MGLL: variants seen among roughly 807,000 people sequenced by gnomAD.
The protein encoded by MGLL is monoglyceride lipase.
In MGLL, 7 loss-of-function variants were observed where a neutral mutation model predicts 29.1. The observed-to-expected ratio is 0.24, with a 90% confidence interval of 0.14 to 0.45. The LOEUF (loss-of-function observed/expected upper bound fraction) is 0.45. Among genes scored for constraint, MGLL ranks in the 20% least tolerant of loss-of-function variants. The pLI is 0.99. For missense variants in MGLL, 356 were observed against 413.6 expected, an observed-to-expected ratio of 0.86 and a Z score of 1.21; for synonymous variants, 148 against 168.3, an observed-to-expected ratio of 0.88 and a Z score of 0.93.
At position 127,807,750 on chromosome 3, in the gene MGLL, C is replaced by CT. The variant is rs35444871; in HGVS notation, c.155+13943dup. On this transcript the variant is annotated intron_variant, in intron 2 of 7. Coordinates refer to ENST00000265052, the MANE Select transcript of MGLL (RefSeq NM_007283.7). ...CTAATTTAGACATGCTGTGAAAAGTCTTTTTTTTTTTTTTTTTTTTTTTTT... is the reference window on the plus strand; with the variant it reads ...CTAATTTAGACATGCTGTGAAAAGTCTTTTTTTTTTTTTTTTTTTTTTTTTT... Among the ~76,000 whole-genome samples the CT allele has an allele frequency of 7.1e-3, 422 of 59,472 alleles. 77 individuals carry two copies. Among genetic ancestry groups the CT allele is most frequent in the African/African-American group, 0.026 (379 of 14,332 alleles). The allele number at this position is 59,472 out of a possible 152,430, so 39.0% of individuals were successfully genotyped here. A position where few individuals can be genotyped will look rare whatever the true frequency, so the allele number is the denominator to read the frequency against.
At position 127,722,568 on chromosome 3, in the gene MGLL, T is replaced by G. The variant is rs1165992488; in HGVS notation, c.263-2A>C. On this transcript the variant is annotated splice_acceptor_variant, in intron 3 of 7. Coordinates refer to ENST00000265052, the MANE Select transcript of MGLL (RefSeq NM_007283.7). LOFTEE classifies it high-confidence loss of function. ...CCCCTTCGCTCTGTCCGTGGCCAAC[T>G]GGAAAGGAACGGGAGATGAGAGAGA... The G allele has an allele frequency of 1.2e-6, 2 of 1,614,074 alleles. No homozygotes were observed. The highest frequency in any genetic ancestry group is 1.7e-6 in the Non-Finnish European group (2 of 1,180,044).
rs1485695111 is a variant in MGLL, at chr3:127,822,179, AAAGACCCAGCTGCAAG to A, written c.10+114_10+129del. ...AAATTATAGTCAGCTCTATGGGTAC[AAAGACCCAGCTGCAAG>A]AAGACCCATCTATCTTAAAATCTCC... is the stretch of plus-strand genomic sequence containing the variant. On this transcript the variant is annotated intron_variant, in intron 1 of 7. Coordinates refer to ENST00000265052, the MANE Select transcript of MGLL (RefSeq NM_007283.7). 45 of 1,065,128 alleles carry A rather than the reference AAAGACCCAGCTGCAAG, an allele frequency of 4.2e-5. No individual in the cohort carries two copies. The African/African-American group carries it at 6.8e-4, about 16-fold the overall frequency. 66.0% of individuals were successfully genotyped at this position (1,065,128 alleles called of 1,614,324 possible).
chr3:127,783,339 C>A (rs1180490873), intron 2 of MGLL, among the ~76,000 whole-genome samples: 1 of 152,064 alleles, frequency 6.6e-6, no homozygotes, highest in African/African-American at 2.4e-5. Context: ...ATCTGGCAAC[C>A]CCTCCCGGGC....
At chr3:127,757,706 C>T (rs2076687935) in intron 3 of MGLL, among the ~76,000 whole-genome samples, 1 of 152,222 alleles carries the variant, frequency 6.6e-6, no homozygotes, top group Non-Finnish European at 1.5e-5. Context: ...AAAGCTGTGA[C>T]AGTGTCACGA....
intron 2 of MGLL, among the ~76,000 whole-genome samples, chr3:127,782,538 G>A (rs1048068500): frequency 3.7e-4 from 56 of 152,198 alleles, no homozygotes; most frequent in African/African-American, 1.3e-3. Flanking sequence ...AATGGCCCAG[G>A]CAGAGTGCTG....
intron 3 of MGLL, among the ~76,000 whole-genome samples, chr3:127,779,030 C>G (rs1172450697): frequency 1.3e-5 from 2 of 152,172 alleles, no homozygotes; most frequent in Non-Finnish European, 2.9e-5. Context: ...GCTGGGACTA[C>G]AGGTGTGAGC....
At chr3:127,706,486 G>C (rs2075604192) in intron 6 of MGLL, among the ~76,000 whole-genome samples, 1 of 152,208 alleles carries the variant, frequency 6.6e-6, no homozygotes, top group African/African-American at 2.4e-5. Flanking sequence ...TTGGTGGCCG[G>C]CAGGAGTGGG....
At position 127,692,084 on chromosome 3, in the gene MGLL, C is replaced by T; in HGVS notation, c.*114G>A. The T allele has an allele frequency of 8.1e-7, 1 of 1,227,328 alleles. No individual in the cohort carries two copies. 76.0% of individuals were successfully genotyped at this position (1,227,328 alleles called of 1,614,324 possible). A position where few individuals can be genotyped will look rare whatever the true frequency, so the allele number is the denominator to read the frequency against. On this transcript the variant is annotated 3_prime_UTR_variant, in exon 8 of 8. Transcript: ENST00000265052. ...TTAGAAAATTGTGCTAAGGATTTCT[C>T]CAATTTCTGATTTTTTTTTTTTTTT... is the stretch of plus-strand genomic sequence containing the variant.
At chr3:127,777,538 C>T (rs923575834) in intron 3 of MGLL, among the ~76,000 whole-genome samples, 3 of 152,236 alleles carry the variant, frequency 2.0e-5, no homozygotes, top group African/African-American at 4.8e-5. Context: ...GATAGGAGCC[C>T]AGCCCTTTTT....
Position 127,701,206 on chromosome 3 carries a change from C to A in MGLL, c.601-6016G>T, listed in dbSNP as rs1037844476. Among the ~76,000 whole-genome samples the A allele has an allele frequency of 6.7e-4, 42 of 62,680 alleles. No individual in the cohort carries two copies. In the African/African-American group the frequency reaches 8.7e-3, roughly 13 times the overall value. The allele number at this position is 62,680 out of a possible 152,430, so 41.1% of individuals were successfully genotyped here. ...CTCCAGCCTGGGCAAGAGAGCGAGA[C>A]CCTGCCTCCAAAAAAAAAAAAAAAA... On this transcript the variant is annotated intron_variant, in intron 6 of 7. Coordinates refer to ENST00000265052, the MANE Select transcript of MGLL (RefSeq NM_007283.7).
intron 5 of MGLL, chr3:127,715,807 C>T (rs2075803125): frequency 2.2e-6 from 1 of 456,778 alleles, no homozygotes. Flanking sequence ...AACCTCCATC[C>T]TGAGCTGTGA....
chr3:127,710,724 C>T (rs1010174), intron 5 of MGLL, 59 bp from the exon 6 acceptor site: 32 of 1,397,184 alleles, frequency 2.3e-5, no homozygotes, highest in Admixed American at 9.9e-5. Flanking sequence ...CCCGGCTCTT[C>T]CGCAGTGACA....
intron 3 of MGLL, among the ~76,000 whole-genome samples, chr3:127,765,121 A>G (rs989919622): frequency 2.0e-5 from 3 of 152,216 alleles, no homozygotes; most frequent in African/African-American, 7.2e-5. Flanking sequence ...AACCACAGCA[A>G]ATAGCATCCC....
At chr3:127,806,775 C>T (rs1442639141) in intron 2 of MGLL, among the ~76,000 whole-genome samples, 3 of 151,944 alleles carry the variant, frequency 2.0e-5, no homozygotes, top group Non-Finnish European at 2.9e-5. Flanking sequence ...ACCTGTAATC[C>T]CAGCACTTTG....
At chr3:127,717,403 C>G (rs151323241) in intron 5 of MGLL, among the ~76,000 whole-genome samples, 214 of 152,324 alleles carry the variant, frequency 1.4e-3, no homozygotes, top group Non-Finnish European at 2.6e-3. Flanking sequence ...CAAGCTGACT[C>G]GAGCAAGACA....
intron 3 of MGLL, among the ~76,000 whole-genome samples, chr3:127,738,639 C>T (rs565982659): frequency 1.3e-5 from 2 of 152,320 alleles, no homozygotes; most frequent in African/African-American, 4.8e-5. Context: ...GATTATCTGG[C>T]CCTCTCCATC....
At chr3:127,692,440 C>G in intron 7 of MGLL, 117 bp from the exon 8 acceptor site, 5 of 1,345,802 alleles carry the variant, frequency 3.7e-6, no homozygotes, top group Non-Finnish European at 5.2e-6. Context: ...TCCCTATGCC[C>G]GAGGACCTGG....
Position 127,691,978 on chromosome 3 carries a change from T to C in MGLL, c.*220A>G, listed in dbSNP as rs1443442763. The C allele has an allele frequency of 1.6e-6, 1 of 615,064 alleles. No homozygotes were observed. The highest frequency in any genetic ancestry group is 1.8e-5 in the African/African-American group (1 of 54,192). The allele number at this position is 615,064 out of a possible 1,614,324, so 38.1% of individuals were successfully genotyped here. A position where few individuals can be genotyped will look rare whatever the true frequency, so the allele number is the denominator to read the frequency against. On this transcript the variant is annotated 3_prime_UTR_variant, in exon 8 of 8. Coordinates refer to ENST00000265052, the MANE Select transcript of MGLL (RefSeq NM_007283.7). ...TGGAAAATCACCTGGGACCTTTCTC[T>C]TTTTTTGCATAAAGTGTCTAACCAT...
chr3:127,718,219 G>A (rs2075853214), intron 5 of MGLL, among the ~76,000 whole-genome samples: 1 of 152,134 alleles, frequency 6.6e-6, no homozygotes. Flanking sequence ...ATCTCACGCT[G>A]CCCCTTACTA....
Sources: gnomAD v4.1 joint callset for allele counts (sites outside exome capture counted in the v4.1 genomes callset) on GRCh38, gnomAD v4.1.1 for gene constraint, MANE v1.5 for transcripts, NCBI Gene and HGNC (gene_info 2026-07-23, HGNC 2026-07-21) for gene names.